Variants in FRMPD1 observed in about 807,000 individuals in gnomAD.
The protein encoded by FRMPD1 is FERM and PDZ domain-containing protein 1.
A neutral mutation model predicts 117.8 loss-of-function variants in FRMPD1; 76 were observed. That is an observed-to-expected ratio of 0.65 (90% CI 0.54 to 0.78). The LOEUF (loss-of-function observed/expected upper bound fraction) is 0.78. Ranked by LOEUF, FRMPD1 falls within the 30% of genes least tolerant of loss-of-function variation. The pLI is 0.00. For synonymous variants in FRMPD1, 783 were observed against 770.4 expected (o/e 1.02, Z -0.27); for missense variants, 1,786 against 1,964.5 (o/e 0.91, Z 1.72).
intron 4 of FRMPD1, among the ~76,000 whole-genome samples, 179 bp from the exon 5 acceptor site, chr9:37,711,171 A>G (rs987072258): frequency 6.6e-6 from 1 of 152,104 alleles, no homozygotes; most frequent in Admixed American, 6.5e-5. Flanking sequence ...AGGTTGCTGC[A>G]TTTCCCAATA....
At chr9:37,679,484 C>G (rs1426334244) in intron 1 of FRMPD1, among the ~76,000 whole-genome samples, 1 of 152,206 alleles carries the variant, frequency 6.6e-6, no homozygotes, top group Non-Finnish European at 1.5e-5. Flanking sequence ...ACATTTTCAT[C>G]TCCTCTAAAA....
intron 13 of FRMPD1, among the ~76,000 whole-genome samples, chr9:37,736,161 C>T (rs866409953): frequency 1.3e-5 from 2 of 151,904 alleles, no homozygotes; most frequent in African/African-American, 2.4e-5. Context: ...CCACCATGCC[C>T]GGCTAATGTT....
Position 37,745,693 on chromosome 9 carries a change from G to T in FRMPD1, c.3661G>T (p.Val1221Phe), listed in dbSNP as rs200892375. The stretch of plus-strand genomic sequence containing the variant: ...TGGGAAGCAGACAGTTTCACCAGCC[G>T]TCCCTCCAGAGGGGATCAAGGCAGA... Reference protein sequence around the residue: ...FLGKQTVSPAVPPEGIKAEAP... With the variant: ...FLGKQTVSPAFPPEGIKAEAP... The change falls in exon 16 of 16, where the codon GTC becomes TTC. Residue 1221 changes from valine to phenylalanine, a missense_variant. Val to Phe is a conservative substitution (Grantham distance 50). Coordinates refer to ENST00000377765, the MANE Select transcript of FRMPD1 (RefSeq NM_014907.3). 11 of 1,613,888 alleles carry T rather than the reference G, an allele frequency of 6.8e-6. No homozygotes were observed. The African/African-American group carries it at 1.1e-4, about 16-fold the overall frequency.
intron 8 of FRMPD1, 82 bp downstream of exon 8, chr9:37,729,935 C>A: frequency 7.1e-7 from 1 of 1,411,460 alleles, no homozygotes; most frequent in Non-Finnish European, 9.7e-7. Context: ...GGGGACAGGG[C>A]TCAGCACATC....
chr9:37,712,391 C>T (rs1822940960), intron 5 of FRMPD1, among the ~76,000 whole-genome samples: 2 of 152,144 alleles, frequency 1.3e-5, no homozygotes, highest in South Asian at 2.1e-4. Flanking sequence ...GTCTCACTCC[C>T]GTCGTGCAGA....
the FRMPD1 span, among the ~76,000 whole-genome samples, chr9:37,638,058 T>TC: frequency 8.0e-6 from 1 of 125,416 alleles, no homozygotes; most frequent in East Asian, 2.8e-4. Context: ...TTCCTTTCTT[T>TC]CTTTCCTTCT....
the FRMPD1 span, among the ~76,000 whole-genome samples, chr9:37,607,911 G>A: frequency 6.6e-6 from 1 of 152,258 alleles, no homozygotes; most frequent in East Asian, 1.9e-4. Context: ...ATTAATAGAC[G>A]ATAGCAAGAG....
At chr9:37,626,843 A>G in the FRMPD1 span, among the ~76,000 whole-genome samples, 1 of 151,904 alleles carries the variant, frequency 6.6e-6, no homozygotes, top group Non-Finnish European at 1.5e-5. Context: ...CTACTGAATC[A>G]TTATCTTTGG....
At chr9:37,716,137 A>G (rs1823109060) in intron 5 of FRMPD1, among the ~76,000 whole-genome samples, 1 of 152,204 alleles carries the variant, frequency 6.6e-6, no homozygotes, top group Admixed American at 6.5e-5. Context: ...ACATGCACCA[A>G]GAACGCTAGT....
At chr9:37,734,477 C>T (rs1824032386) in intron 12 of FRMPD1, among the ~76,000 whole-genome samples, 1 of 151,284 alleles carries the variant, frequency 6.6e-6, no homozygotes, top group African/African-American at 2.4e-5. Flanking sequence ...GAGCCTAGGC[C>T]TAGAGCTTGT....
At chr9:37,692,837 T>C (rs2118032978) in intron 2 of FRMPD1, 95 bp downstream of exon 2, 2 of 895,210 alleles carry the variant, frequency 2.2e-6, no homozygotes, top group East Asian at 4.9e-5. Context: ...GGGATTGCTG[T>C]CTCCGGCTTG....
chr9:37,625,071 G>C, the FRMPD1 span, among the ~76,000 whole-genome samples: 1 of 152,210 alleles, frequency 6.6e-6, no homozygotes, highest in Non-Finnish European at 1.5e-5. Flanking sequence ...TTCTTGGAGT[G>C]AGACATCATT....
the FRMPD1 span, among the ~76,000 whole-genome samples, chr9:37,639,634 C>G: frequency 6.6e-6 from 1 of 152,186 alleles, no homozygotes. Context: ...TTTATGAGCA[C>G]TTACTAAGGC....
chr9:37,736,317 C>T (rs528075760), intron 13 of FRMPD1, among the ~76,000 whole-genome samples: 1 of 151,770 alleles, frequency 6.6e-6, no homozygotes, highest in African/African-American at 2.4e-5. Context: ...AGGATTTTAT[C>T]ACATGAATGG....
chr9:37,659,300 C>T (rs1820927782), intron 1 of FRMPD1, among the ~76,000 whole-genome samples: 1 of 152,194 alleles, frequency 6.6e-6, no homozygotes, highest in Non-Finnish European at 1.5e-5. Flanking sequence ...ATCCTCAGGC[C>T]ACATGTCTTC....
At chr9:37,603,745 C>G in the FRMPD1 span, among the ~76,000 whole-genome samples, 2 of 152,150 alleles carry the variant, frequency 1.3e-5, no homozygotes, top group Admixed American at 1.3e-4. Context: ...ATGGTGCAAT[C>G]TCAGCTCACT....
At chr9:37,664,281 TTATGTATGTATG>T (rs751709624) in intron 1 of FRMPD1, among the ~76,000 whole-genome samples, 1 of 151,148 alleles carries the variant, frequency 6.6e-6, no homozygotes. Flanking sequence ...GCATCGACAT[TTATGTATGTATG>T]TATGTATGTA....
upstream of FRMPD1, among the ~76,000 whole-genome samples, chr9:37,650,272 A>G (rs1820623269): frequency 6.6e-6 from 1 of 152,074 alleles, no homozygotes; most frequent in Non-Finnish European, 1.5e-5. Flanking sequence ...AGTGGGTGAG[A>G]CGGCTCAGGG....
rs764787628 is a variant in FRMPD1 at position 37,745,062 on chromosome 9, C to T, written c.3030C>T (p.Asp1010=). Residue 1010 remains aspartate (D), a synonymous_variant, in exon 16 of 16, where the codon GAC becomes GAT. Transcript: ENST00000377765. ...AAGAACCAACCATAGAGCATGGAGA[C>T]AGCTCCTTCTCCCTCTCCAGTGGTG... The part of the protein sequence containing the change: ...APKEPTIEHG[D]SSFSLSSGDP... 6.2e-6 allele frequency: 10 copies of T among 1,614,070 alleles called. No homozygotes were observed. The highest frequency in any genetic ancestry group is 3.3e-5 in the Admixed American group (2 of 60,028).
Sources: allele counts gnomAD v4.1 joint callset (sites outside exome capture counted in the v4.1 genomes callset), GRCh38; gene constraint gnomAD v4.1.1; transcripts MANE v1.5; gene names NCBI Gene and HGNC (gene_info 2026-07-23, HGNC 2026-07-21).